Variants in SLC9A4 observed in about 807,000 individuals in gnomAD.
The protein encoded by SLC9A4 is solute carrier family 9 member A4.
SLC9A4 carries 63 observed loss-of-function variants against 67.4 expected under a neutral mutation model. The ratio of observed to expected loss-of-function variants is 0.93; its 90% CI spans 0.76 to 1.15. The LOEUF is 1.15. Ranked by LOEUF, SLC9A4 falls within the 50% of genes most tolerant of loss-of-function variation. The probability of loss-of-function intolerance (pLI) is 0.00; values close to 1 mark genes in which losing one functional copy is unlikely to be tolerated. For synonymous variants in SLC9A4, 393 were observed against 367.2 expected, an observed-to-expected ratio of 1.07 and a Z score of -0.80; for missense variants, 1,089 against 987.7, an observed-to-expected ratio of 1.10 and a Z score of -1.38.
intron 11 of SLC9A4, among the ~76,000 whole-genome samples, chr2:102,529,305 A>G (rs976347616): frequency 1.2e-4 from 18 of 152,230 alleles, no homozygotes; most frequent in African/African-American, 4.1e-4. Context: ...TAAACTAGAA[A>G]TCTGAGGGAA....
At chr2:102,484,818 G>A (rs559852734) in intron 2 of SLC9A4, among the ~76,000 whole-genome samples, 2 of 152,274 alleles carry the variant, frequency 1.3e-5, no homozygotes, top group African/African-American at 2.4e-5. Context: ...TGGAACCCAA[G>A]CAGCCTGACT....
intron 8 of SLC9A4, among the ~76,000 whole-genome samples, chr2:102,515,137 C>A (rs991126157): frequency 6.6e-6 from 1 of 151,996 alleles, no homozygotes; most frequent in African/African-American, 2.4e-5. Flanking sequence ...GGAACATGGG[C>A]CCCCTCCATC....
intron 1 of SLC9A4, 139 bp downstream of exon 1, chr2:102,474,154 G>A: frequency 9.6e-7 from 1 of 1,046,748 alleles, no homozygotes; most frequent in Non-Finnish European, 1.4e-6. Context: ...CTTCAGTCAA[G>A]GGAAAGTCAT....
chr2:102,476,459 T>C lies in SLC9A4; in HGVS notation c.257-2380T>C, dbSNP rs564229253. Among the ~76,000 whole-genome samples the C allele has an allele frequency of 3.3e-5, 5 of 152,346 alleles. No homozygotes were observed. The South Asian group carries it at 6.2e-4, about 19-fold the overall frequency. On this transcript the variant is annotated intron_variant, in intron 1 of 11. Transcript: ENST00000295269. The stretch of plus-strand genomic sequence containing the variant: ...ATTTCCCTTTACAAGGCCCTACTTA[T>C]AGGTGTGTGGCCTCTTCCTGCTACA...
intron 11 of SLC9A4, among the ~76,000 whole-genome samples, chr2:102,528,384 AG>A (rs1674708917): frequency 6.6e-6 from 1 of 151,338 alleles, no homozygotes; most frequent in African/African-American, 2.4e-5. Context: ...TGAGAAAACA[AG>A]AAAGTGTCAC....
intron 6 of SLC9A4, among the ~76,000 whole-genome samples, chr2:102,511,373 A>C (rs538133595): frequency 6.6e-6 from 1 of 152,302 alleles, no homozygotes; most frequent in South Asian, 2.1e-4. Flanking sequence ...GACATATTGC[A>C]TAATCCACCT....
intron 2 of SLC9A4, among the ~76,000 whole-genome samples, chr2:102,493,190 C>G (rs1008435781): frequency 6.6e-6 from 1 of 152,038 alleles, no homozygotes; most frequent in East Asian, 1.9e-4. Context: ...TTCTTGTCTT[C>G]TTCTGAGCCC....
rs528584539 is a variant in SLC9A4 at position 102,491,578 on chromosome 2, G to A, written c.721-11870G>A. Among the ~76,000 whole-genome samples the A allele has an allele frequency of 1.4e-4, 21 of 152,082 alleles. No homozygotes were observed. In the East Asian group the frequency reaches 4.1e-3, roughly 30 times the overall value. On this transcript the variant is annotated intron_variant, in intron 2 of 11. Coordinates refer to ENST00000295269, the MANE Select transcript of SLC9A4 (RefSeq NM_001011552.4). Reference sequence around the variant, plus strand: ...TTATTCATTATCACGAGAACAGCATGAGAAAAACCCACCCTATGATTCAAT... The same window carrying A: ...TTATTCATTATCACGAGAACAGCATAAGAAAAACCCACCCTATGATTCAAT...
chr2:102,508,350 C>T, intron 5 of SLC9A4, 69 bp downstream of exon 5: 6 of 1,332,278 alleles, frequency 4.5e-6, no homozygotes, highest in Non-Finnish European at 6.1e-6. Context: ...TAGTAAAATA[C>T]AAATAAAGGC....
chr2:102,487,741 T>A (rs561771814), intron 2 of SLC9A4, among the ~76,000 whole-genome samples: 25 of 152,206 alleles, frequency 1.6e-4, no homozygotes, highest in Non-Finnish European at 3.1e-4. Flanking sequence ...AAGCCTCTCG[T>A]TATCAAGTTG....
At chr2:102,520,630 C>T (rs561400131) in intron 9 of SLC9A4, among the ~76,000 whole-genome samples, 51 of 152,214 alleles carry the variant, frequency 3.4e-4, no homozygotes, top group African/African-American at 1.1e-3. Context: ...CATTTTAATC[C>T]TAATACTTGG....
intron 2 of SLC9A4, among the ~76,000 whole-genome samples, chr2:102,481,094 G>A (rs1684452304): frequency 6.6e-6 from 1 of 152,176 alleles, no homozygotes; most frequent in South Asian, 2.1e-4. Flanking sequence ...GGGTGGTTTG[G>A]CTGGGGCACC....
At chr2:102,481,896 CTT>C (rs11350402) in intron 2 of SLC9A4, among the ~76,000 whole-genome samples, 6 of 150,664 alleles carry the variant, frequency 4.0e-5, no homozygotes, top group East Asian at 2.0e-4. Context: ...CAAGCAAGAT[CTT>C]TTTTTTTTTA....
intron 2 of SLC9A4, 64 bp downstream of exon 2, chr2:102,479,366 C>G (rs1336397363): frequency 1.3e-6 from 2 of 1,498,626 alleles, no homozygotes; most frequent in Non-Finnish European, 1.8e-6. Context: ...GGCTGGGGAC[C>G]GGAGGCTGTG....
intron 11 of SLC9A4, 61 bp downstream of exon 11, chr2:102,526,407 G>A (rs1674666878): frequency 6.6e-7 from 1 of 1,518,782 alleles, no homozygotes; most frequent in Non-Finnish European, 9.1e-7. Flanking sequence ...AAATATCTGG[G>A]GGTGTGGGCC....
chr2:102,475,104 G>A (rs905566523), intron 1 of SLC9A4, among the ~76,000 whole-genome samples: 5 of 152,156 alleles, frequency 3.3e-5, no homozygotes, highest in Non-Finnish European at 5.9e-5. Context: ...AAATAGGAAT[G>A]TTAGTTTGAA....
At chr2:102,505,537 G>T (rs533085017) in intron 4 of SLC9A4, 66 bp downstream of exon 4, 3 of 1,505,328 alleles carry the variant, frequency 2.0e-6, no homozygotes, top group African/African-American at 2.8e-5. Context: ...ATTCCCTTCC[G>T]CAATGTTAAA....
chr2:102,493,248 T>A (rs1684740295), intron 2 of SLC9A4, among the ~76,000 whole-genome samples: 1 of 152,048 alleles, frequency 6.6e-6, no homozygotes, highest in African/African-American at 2.4e-5. Flanking sequence ...AAAGTCACTT[T>A]CACATTTTTG....
At chr2:102,488,499 T>C (rs1370724735) in intron 2 of SLC9A4, among the ~76,000 whole-genome samples, 1 of 151,380 alleles carries the variant, frequency 6.6e-6, no homozygotes, top group Non-Finnish European at 1.5e-5. Flanking sequence ...TGTTGGTGAG[T>C]AATAGGCTAA....
Sources: gnomAD v4.1 joint callset for allele counts (sites outside exome capture counted in the v4.1 genomes callset) on GRCh38, gnomAD v4.1.1 for gene constraint, MANE v1.5 for transcripts, NCBI Gene and HGNC (gene_info 2026-07-23, HGNC 2026-07-21) for gene names.